Variants in ZNF398 observed in about 807,000 individuals in gnomAD.
The protein encoded by ZNF398 is zinc finger protein 398, also known as zinc finger DNA binding protein ZER6.
In ZNF398, 18 loss-of-function variants were observed where a neutral mutation model predicts 41.9. That is an observed-to-expected ratio of 0.43 (90% CI 0.30 to 0.64). ZNF398 has a LOEUF of 0.64. Ranked by LOEUF, ZNF398 falls within the 30% of genes least tolerant of loss-of-function variation. ZNF398 has a pLI of 0.14. For missense variants in ZNF398, 669 were observed against 822.8 expected (o/e 0.81, Z 2.29); for synonymous variants, 260 against 308.8 (o/e 0.84, Z 1.66).
At chr7:149,143,839 A>G (rs1330261536), upstream of ZNF398, among the ~76,000 whole-genome samples, 1 of 152,122 alleles carries the variant, frequency 6.6e-6, no homozygotes, top group Non-Finnish European at 1.5e-5. Context: ...AACCCCCCAA[A>G]AAAGCCAATT....
At chr7:149,138,256 A>C (rs1444448796) in intron 2 of ZNF398, among the ~76,000 whole-genome samples, 2 of 151,554 alleles carry the variant, frequency 1.3e-5, no homozygotes, top group Non-Finnish European at 2.9e-5. Context: ...AAGATATTCA[A>C]GTATATTAAA....
intron 1 of ZNF398, chr7:149,151,295 G>T: frequency 1.6e-6 from 2 of 1,229,548 alleles, no homozygotes; most frequent in Non-Finnish European, 2.1e-6. Context: ...GAGGCAGAAA[G>T]ACATGAGAGA....
At chr7:149,164,633 A>T (rs1795188516) in intron 2 of ZNF398, among the ~76,000 whole-genome samples, 2 of 152,166 alleles carry the variant, frequency 1.3e-5, no homozygotes, top group South Asian at 4.1e-4. Flanking sequence ...GCCCTTAGTA[A>T]AAAAAGATCA....
At chr7:149,136,796 C>T (rs1287173955) in intron 2 of ZNF398, among the ~76,000 whole-genome samples, 1 of 151,318 alleles carries the variant, frequency 6.6e-6, no homozygotes, top group Non-Finnish European at 1.5e-5. Flanking sequence ...TCTCGATCTC[C>T]TGACCTCGTG....
intron 4 of ZNF398, among the ~76,000 whole-genome samples, chr7:149,171,841 T>A (rs763595499): frequency 6.3e-4 from 96 of 152,220 alleles, no homozygotes; most frequent in Non-Finnish European, 1.3e-3. Flanking sequence ...CTAATTTTTT[T>A]ATTTTTTTAT....
chr7:149,171,068 T>C (rs1209390006), intron 4 of ZNF398, among the ~76,000 whole-genome samples: 1 of 150,656 alleles, frequency 6.6e-6, no homozygotes, highest in African/African-American at 2.4e-5. Flanking sequence ...CAGGATGGTC[T>C]CGATCTGCTG....
intron 2 of ZNF398, among the ~76,000 whole-genome samples, chr7:149,129,117 T>C (rs991149652): frequency 1.3e-5 from 2 of 151,980 alleles, no homozygotes; most frequent in African/African-American, 4.8e-5. Context: ...TTCATATAAA[T>C]ATATAATATA....
At chr7:149,144,216 A>AGT (rs377745043), upstream of ZNF398, among the ~76,000 whole-genome samples, 115 of 152,350 alleles carry the variant, frequency 7.5e-4, no homozygotes, top group African/African-American at 2.5e-3. Context: ...CTCAGTTGGA[A>AGT]GTCTTATTTA....
intron 2 of ZNF398, 110 bp downstream of exon 2, chr7:149,154,450 A>G: frequency 8.0e-7 from 1 of 1,249,602 alleles, no homozygotes; most frequent in South Asian, 1.7e-5. Context: ...GTTTCTTAAA[A>G]TATCTCAGTC....
chr7:149,141,762 G>C (rs949471567), intron 2 of ZNF398, among the ~76,000 whole-genome samples: 11 of 150,790 alleles, frequency 7.3e-5, no homozygotes, highest in Non-Finnish European at 8.9e-5. Flanking sequence ...CCTAATTTTT[G>C]TATTTTTGTA....
At chr7:149,175,341 T>TA (rs1159985529) in intron 4 of ZNF398, among the ~76,000 whole-genome samples, 11 of 148,802 alleles carry the variant, frequency 7.4e-5, no homozygotes, top group Admixed American at 6.7e-4. Flanking sequence ...GTCCATTTAG[T>TA]CCAAAAAAAA....
In ZNF398 at chr7:149,179,537, G is replaced by A; in HGVS notation, c.1665G>A (p.Met555Ile). 2 of 1,614,216 alleles carry A rather than the reference G, an allele frequency of 1.2e-6. No homozygotes were observed. Among genetic ancestry groups the A allele is most frequent in the East Asian group, 2.2e-5 (1 of 44,886 alleles). The change falls in exon 6 of 6, where the codon ATG (methionine) becomes ATA (isoleucine). Residue 555 changes from methionine to isoleucine, a missense_variant. Physicochemically the swap from Met to Ile is conservative, Grantham distance 10. Around this residue, in one of 3 missense-constraint regions of ZNF398, gnomAD observed 210 missense variants for 290.4 expected, o/e 0.72. Transcript: ENST00000475153. This position sits in a 1 kb window ranked among gnomAD's most constrained non-coding sequence, Gnocchi z 6.1. ...GCTTCATCCGCAAGCACCACCTAAT[G>A]AAACACCAGCGCATCCACACCGGGG... ...GKSFIRKHHL[M>I]KHQRIHTGER...
chr7:149,151,299 T>A, intron 1 of ZNF398: 2 of 1,222,902 alleles, frequency 1.6e-6, no homozygotes, highest in Non-Finnish European at 2.1e-6. Context: ...CAGAAAGACA[T>A]GAGAGAAGGG....
rs1467299278 is a variant in ZNF398 at position 149,163,513 on chromosome 7, C to T, written c.421-2645C>T. Among the ~76,000 whole-genome samples the T allele has an allele frequency of 2.6e-5, 4 of 152,040 alleles. No homozygotes were observed. In the East Asian group the frequency reaches 7.8e-4, roughly 29 times the overall value. Reference sequence around the variant, plus strand: ...TCAGCCTCCCAGGTAGTTGGGACTACAGGCCTGTGCCACCACGCCCCTGGC... The same window carrying T: ...TCAGCCTCCCAGGTAGTTGGGACTATAGGCCTGTGCCACCACGCCCCTGGC... On this transcript the variant is annotated intron_variant, in intron 2 of 5. Transcript: ENST00000475153.
chr7:149,134,180 T>TCAGCCTCC (rs1040802476), intron 2 of ZNF398, among the ~76,000 whole-genome samples: 9 of 150,850 alleles, frequency 6.0e-5, no homozygotes, highest in African/African-American at 2.0e-4. Context: ...TTCTCCTGCC[T>TCAGCCTCC]CAGCCTCCCA....
chr7:149,145,942 C>CTT (rs34950278), upstream of ZNF398, among the ~76,000 whole-genome samples: 1,221 of 103,068 alleles, frequency 0.012, 39 homozygotes, highest in African/African-American at 0.04. Context: ...CTCGCAGGTC[C>CTT]TTTTTTTTTT....
chr7:149,151,836 G>C (rs1827123154), intron 1 of ZNF398, among the ~76,000 whole-genome samples: 1 of 150,016 alleles, frequency 6.7e-6, no homozygotes, highest in South Asian at 2.1e-4. Context: ...GCGTAGGCTG[G>C]AGTACAGTAG....
At chr7:149,163,349 C>G (rs1795150882) in intron 2 of ZNF398, among the ~76,000 whole-genome samples, 1 of 151,494 alleles carries the variant, frequency 6.6e-6, no homozygotes, top group Non-Finnish European at 1.5e-5. Context: ...GGATTACAGG[C>G]ATGCGCCATC....
At chr7:149,152,424 C>T (rs1827141688) in intron 1 of ZNF398, among the ~76,000 whole-genome samples, 1 of 151,650 alleles carries the variant, frequency 6.6e-6, no homozygotes, top group South Asian at 2.1e-4. Flanking sequence ...CCACGCCTGG[C>T]TAATTTTTTC....
Sources: allele counts gnomAD v4.1 joint callset (sites outside exome capture counted in the v4.1 genomes callset), GRCh38; gene constraint gnomAD v4.1.1; regional missense constraint gnomAD v4.1.1; non-coding constraint Gnocchi (gnomAD v3.1); transcripts MANE v1.5; gene names NCBI Gene and HGNC (gene_info 2026-07-23, HGNC 2026-07-21).